The following COL24A1 variants were observed in gnomAD, a reference collection of about 807,000 sequenced individuals.
The protein encoded by COL24A1 is collagen alpha-1(XXIV) chain.
A neutral mutation model predicts 253.9 loss-of-function variants in COL24A1; 224 were observed. That is an observed-to-expected ratio of 0.88 (90% CI 0.79 to 0.99). The LOEUF (loss-of-function observed/expected upper bound fraction) is 0.99, where lower values mean the gene tolerates loss of function less well. Ranked by LOEUF, COL24A1 falls within the 50% of genes least tolerant of loss-of-function variation. COL24A1 has a pLI of 0.00. For missense variants in COL24A1, 2,131 were observed against 2,068.5 expected (o/e 1.03, Z -0.59); for synonymous variants, 685 against 673.7 (o/e 1.02, Z -0.26).
chr1:86,072,686 T>C (rs545310809), intron 7 of COL24A1, among the ~76,000 whole-genome samples: 2 of 152,258 alleles, frequency 1.3e-5, no homozygotes, highest in African/African-American at 4.8e-5. Context: ...TGCCTCGTGA[T>C]TGGGAGACAC....
intron 47 of COL24A1, among the ~76,000 whole-genome samples, chr1:85,791,492 G>C (rs1006777302): frequency 6.6e-6 from 1 of 152,104 alleles, no homozygotes; most frequent in African/African-American, 2.4e-5. Context: ...AGTTTCAGTA[G>C]CATATCTTAG....
At position 85,823,681 on chromosome 1, in the gene COL24A1, A is replaced by C; in HGVS notation, c.3735+4T>G. The C allele has an allele frequency of 6.2e-7, 1 of 1,613,874 alleles. No individual in the cohort carries two copies. Among genetic ancestry groups the C allele is most frequent in the African/African-American group, 1.3e-5 (1 of 75,044 alleles). Reference sequence around the variant, plus strand: ...TTTTTAGAAATAATGCTTTCAAAACATACTGGGGGTCCTTGTTGTCCAGTG... The same window carrying C: ...TTTTTAGAAATAATGCTTTCAAAACCTACTGGGGGTCCTTGTTGTCCAGTG... On this transcript the variant is annotated splice_donor_region_variant and intron_variant, in intron 44 of 59. Transcript: ENST00000370571.
At chr1:85,856,419 T>C (rs552703158) in intron 37 of COL24A1, among the ~76,000 whole-genome samples, 1 of 152,278 alleles carries the variant, frequency 6.6e-6, no homozygotes, top group South Asian at 2.1e-4. Context: ...TTCAAAGAAT[T>C]TCTTGATTTC....
intron 7 of COL24A1, among the ~76,000 whole-genome samples, chr1:86,087,068 T>G (rs2101942534): frequency 6.6e-6 from 1 of 152,258 alleles, no homozygotes; most frequent in Non-Finnish European, 1.5e-5. Flanking sequence ...AAACCTTATC[T>G]CAAGAAGATC....
intron 19 of COL24A1, among the ~76,000 whole-genome samples, chr1:86,016,018 GC>G (rs1366407857): frequency 6.7e-6 from 1 of 150,308 alleles, no homozygotes; most frequent in African/African-American, 2.5e-5. Context: ...GAGCCACCAT[GC>G]CTGGCTAACT....
chr1:86,142,399 T>C (rs1028719674), intron 2 of COL24A1, among the ~76,000 whole-genome samples: 9 of 151,520 alleles, frequency 5.9e-5, no homozygotes, highest in Non-Finnish European at 1.3e-4. Context: ...GGTGGGTGCC[T>C]GTAGTCCCAG....
chr1:86,091,828 T>C (rs944438106), intron 6 of COL24A1, among the ~76,000 whole-genome samples: 1 of 152,162 alleles, frequency 6.6e-6, no homozygotes, highest in Non-Finnish European at 1.5e-5. Flanking sequence ...GAAAACAAGA[T>C]AGTGGTGACC....
rs1663243390 is a variant in COL24A1 at position 85,729,247 on chromosome 1, T to C, written c.*1299A>G. The C allele has an allele frequency of 1.3e-5, 2 of 152,130 alleles. No individual in the cohort carries two copies. The highest frequency in any genetic ancestry group is 4.1e-4 in the South Asian group (2 of 4,830). The allele number at this position is 152,130 out of a possible 1,614,324, so 9.4% of individuals were successfully genotyped here. On this transcript the variant is annotated 3_prime_UTR_variant, in exon 60 of 60. Transcript: ENST00000370571. ...ACCACCCAAAATTATTTAAAGCACA[T>C]TTTTATTATAGATAGGTTAAGTGTG...
intron 1 of COL24A1, chr1:86,155,250 C>T (rs576305380): frequency 6.6e-6 from 1 of 152,010 alleles, no homozygotes; most frequent in South Asian, 2.1e-4. Flanking sequence ...CGCGCGAGCC[C>T]CAGCCAGGCT....
intron 47 of COL24A1, among the ~76,000 whole-genome samples, chr1:85,810,484 T>C (rs535485524): frequency 7.2e-5 from 11 of 152,288 alleles, no homozygotes; most frequent in Admixed American, 5.9e-4. Flanking sequence ...CATTTTCCTA[T>C]ACTCTGTTGC....
At position 85,974,867 on chromosome 1, in the gene COL24A1, A is replaced by G. The variant is rs1571434227; in HGVS notation, c.2365-3474T>C. Among the ~76,000 whole-genome samples, 9 of 152,326 alleles carry G rather than the reference A, an allele frequency of 5.9e-5. No homozygotes were observed. The South Asian group carries it at 1.9e-3, about 32-fold the overall frequency. Reference sequence around the variant, plus strand: ...TCTTAATCTATAGAATCATGTTACCATCAGCATCATAAGGTTGCTGTAGGA... The same window carrying G: ...TCTTAATCTATAGAATCATGTTACCGTCAGCATCATAAGGTTGCTGTAGGA... On this transcript the variant is annotated intron_variant, in intron 20 of 59. Transcript: ENST00000370571.
intron 47 of COL24A1, among the ~76,000 whole-genome samples, chr1:85,789,696 A>G (rs1484028342): frequency 1.3e-5 from 2 of 152,098 alleles, no homozygotes; most frequent in Non-Finnish European, 1.5e-5. Flanking sequence ...TCTGTCATAA[A>G]AGGCTCTTAT....
chr1:85,733,124 C>T (rs982472440), intron 59 of COL24A1, among the ~76,000 whole-genome samples: 1 of 152,024 alleles, frequency 6.6e-6, no homozygotes, highest in Admixed American at 6.6e-5. Context: ...ATATATACTT[C>T]TATTTGCTTA....
intron 12 of COL24A1, among the ~76,000 whole-genome samples, chr1:86,037,869 T>C (rs1158303335): frequency 6.6e-6 from 1 of 152,188 alleles, no homozygotes; most frequent in African/African-American, 2.4e-5. Context: ...ATGTTCAATA[T>C]AAGTCTACTG....
rs570356736 is a variant in COL24A1 at position 85,908,505 on chromosome 1, T to C, written c.2724+93A>G. 335 of 711,890 alleles carry C rather than the reference T, an allele frequency of 4.7e-4. 2 individuals carry two copies. Among genetic ancestry groups the C allele is most frequent in the South Asian group, 2.5e-3 (118 of 46,292 alleles). 44.1% of individuals were successfully genotyped at this position (711,890 alleles called of 1,614,324 possible). A position where few individuals can be genotyped will look rare whatever the true frequency, so the allele number is the denominator to read the frequency against. On this transcript the variant is annotated intron_variant, in intron 27 of 59. Coordinates refer to ENST00000370571, the MANE Select transcript of COL24A1 (RefSeq NM_152890.7). ...TCCACTAGTTTACACATGACTTACT[T>C]TGAATAAAAACCAACAATAAAGCAT...
intron 32 of COL24A1, among the ~76,000 whole-genome samples, chr1:85,884,765 T>TGGCGA (rs1203713095): frequency 2.0e-5 from 3 of 152,256 alleles, no homozygotes; most frequent in Non-Finnish European, 4.4e-5. Context: ...GCAAGAACTG[T>TGGCGA]TAAGGAGATC....
At chr1:85,984,105 A>T (rs1693500274) in intron 20 of COL24A1, among the ~76,000 whole-genome samples, 1 of 151,892 alleles carries the variant, frequency 6.6e-6, no homozygotes, top group South Asian at 2.1e-4. Context: ...AGAATTAGTG[A>T]GAAGAAAGTT....
At position 86,011,878 on chromosome 1, in the gene COL24A1, C is replaced by A. The variant is rs78821563; in HGVS notation, c.2310+5273G>T. Among the ~76,000 whole-genome samples the A allele has an allele frequency of 3.7e-3, 568 of 152,240 alleles. 5 individuals are homozygous for A. Among genetic ancestry groups the A allele is most frequent in the African/African-American group, 0.013 (548 of 41,548 alleles). ...ATAAAGGTTCTGCTGCCATAAAGAA[C>A]AGAAAAATAAGATGTGGTTCTTTAT... On this transcript the variant is annotated intron_variant, in intron 19 of 59. Transcript: ENST00000370571.
At chr1:86,152,619 C>A (rs998143676) in intron 1 of COL24A1, among the ~76,000 whole-genome samples, 2 of 152,118 alleles carry the variant, frequency 1.3e-5, no homozygotes, top group African/African-American at 4.8e-5. Flanking sequence ...AGCATTCAAG[C>A]AATTCATGCA....
Sources: allele counts gnomAD v4.1 joint callset (sites outside exome capture counted in the v4.1 genomes callset), GRCh38; gene constraint gnomAD v4.1.1; transcripts MANE v1.5; gene names NCBI Gene and HGNC (gene_info 2026-07-23, HGNC 2026-07-21).